Variants in TMEM117 observed in about 807,000 individuals in gnomAD.
The protein encoded by TMEM117 is transmembrane protein 117.
Under a neutral mutation model 52.4 loss-of-function variants are expected in TMEM117, and 27 were observed. The ratio of observed to expected loss-of-function variants is 0.51; its 90% CI spans 0.38 to 0.71. The LOEUF (loss-of-function observed/expected upper bound fraction) is 0.71, where lower values mean the gene tolerates loss of function less well. Ranked by LOEUF, TMEM117 falls within the 30% of genes least tolerant of loss-of-function variation. The pLI, the probability that TMEM117 is intolerant of heterozygous loss-of-function variation, is 0.00. For missense variants in TMEM117, 556 were observed against 630.5 expected (o/e 0.88, Z 1.26); for synonymous variants, 215 against 206.3 (o/e 1.04, Z -0.36).
At chr12:44,120,353 T>C (rs1176328114) in intron 3 of TMEM117, among the ~76,000 whole-genome samples, 1 of 152,178 alleles carries the variant, frequency 6.6e-6, no homozygotes, top group African/African-American at 2.4e-5. Context: ...TGTCTACCTA[T>C]TTTTTCCTGC....
At chr12:43,863,050 T>G (rs1943517586) in intron 2 of TMEM117, among the ~76,000 whole-genome samples, 1 of 151,944 alleles carries the variant, frequency 6.6e-6, no homozygotes, top group African/African-American at 2.4e-5. Context: ...ATTCTAGCAT[T>G]TCAGGAGGCC....
chr12:43,939,686 G>T (rs767761766), intron 2 of TMEM117, among the ~76,000 whole-genome samples: 8 of 152,160 alleles, frequency 5.3e-5, no homozygotes, highest in Non-Finnish European at 1.0e-4. Context: ...AATAGAGGTG[G>T]GTGGCTGCCC....
Position 43,888,841 on chromosome 12 carries a change from C to A in TMEM117, c.277+43913C>A, listed in dbSNP as rs1944049046. On this transcript the variant is annotated intron_variant, in intron 2 of 7. Coordinates refer to ENST00000266534, the MANE Select transcript of TMEM117 (RefSeq NM_032256.3). ...GGGATTACAGGTGTGAGCCACCATG[C>A]CTTGCCACATTAGTTAATTATTACA... Among the ~76,000 whole-genome samples, 4 of 152,094 alleles carry A rather than the reference C, an allele frequency of 2.6e-5. No individual in the cohort carries two copies. The South Asian group carries it at 6.2e-4, about 24-fold the overall frequency.
chr12:44,226,499 A>ATGTGTGTGTGTGTGTGTGTGTG (rs1161429257), intron 5 of TMEM117, among the ~76,000 whole-genome samples: 3 of 132,950 alleles, frequency 2.3e-5, no homozygotes, highest in East Asian at 3.9e-4. Context: ...ATAAATATAT[A>ATGTGTGTGTGTGTGTGTGTGTG]TATGTGTGTG....
intron 6 of TMEM117, among the ~76,000 whole-genome samples, chr12:44,362,859 G>A (rs534053573): frequency 2.8e-4 from 41 of 147,164 alleles, no homozygotes; most frequent in Non-Finnish European, 3.4e-4. Context: ...TTTTTGGTTG[G>A]TTGCTTGTTT....
intron 3 of TMEM117, among the ~76,000 whole-genome samples, chr12:44,108,475 G>C (rs1239884665): frequency 3.3e-5 from 3 of 90,098 alleles, no homozygotes; most frequent in African/African-American, 1.1e-4. Flanking sequence ...TTGTTCTTGC[G>C]ATAGTTTACT....
intron 6 of TMEM117, among the ~76,000 whole-genome samples, chr12:44,334,504 A>T (rs546114528): frequency 6.6e-6 from 1 of 152,098 alleles, no homozygotes; most frequent in African/African-American, 2.4e-5. Context: ...GTCTTTTTTA[A>T]TCACCTTGGA....
rs548496789 is a variant in TMEM117 at position 43,887,478 on chromosome 12, CT to C, written c.277+42554del. ...ACAACTATTGTGGCATATATAGGGG[CT>C]TTTACAAGAAACTAAACTAAGGATG... On this transcript the variant is annotated intron_variant, in intron 2 of 7. Coordinates refer to ENST00000266534, the MANE Select transcript of TMEM117 (RefSeq NM_032256.3). Among the ~76,000 whole-genome samples the C allele has an allele frequency of 1.9e-3, 282 of 152,226 alleles. 3 individuals carry two copies. The highest frequency in any genetic ancestry group is 6.4e-3 in the African/African-American group (266 of 41,530).
intron 4 of TMEM117, among the ~76,000 whole-genome samples, chr12:44,147,953 AAG>A (rs1391881995): frequency 2.0e-5 from 3 of 152,026 alleles, no homozygotes; most frequent in African/African-American, 7.2e-5. Context: ...AAAAAAGAAA[AAG>A]AAAAAGACAA....
chr12:44,384,086 T>C (rs559689078), intron 7 of TMEM117, among the ~76,000 whole-genome samples: 18 of 152,224 alleles, frequency 1.2e-4, no homozygotes, highest in African/African-American at 3.9e-4. Flanking sequence ...CACCTTCTGC[T>C]TTGCCACATC....
At chr12:44,275,620 A>C (rs765740075) in intron 5 of TMEM117, among the ~76,000 whole-genome samples, 2 of 152,192 alleles carry the variant, frequency 1.3e-5, no homozygotes, top group Non-Finnish European at 2.9e-5. Flanking sequence ...CAGCCATTAA[A>C]AAGAATGAGA....
At chr12:43,875,170 A>G (rs993431908) in intron 2 of TMEM117, among the ~76,000 whole-genome samples, 2 of 152,136 alleles carry the variant, frequency 1.3e-5, no homozygotes, top group Non-Finnish European at 2.9e-5. Flanking sequence ...TCTTTACAGC[A>G]GTAAGATTTG....
At chr12:43,968,419 A>G (rs1945520750) in intron 3 of TMEM117, among the ~76,000 whole-genome samples, 2 of 152,214 alleles carry the variant, frequency 1.3e-5, no homozygotes, top group Non-Finnish European at 2.9e-5. Flanking sequence ...TTTCAACAAT[A>G]TCAAGTGTCA....
the TMEM117 span, among the ~76,000 whole-genome samples, chr12:43,821,532 T>C: frequency 6.6e-6 from 1 of 152,180 alleles, no homozygotes; most frequent in Non-Finnish European, 1.5e-5. Flanking sequence ...CCTCCCACCT[T>C]AGCCTCCCAA....
the TMEM117 span, among the ~76,000 whole-genome samples, chr12:43,826,929 C>G: frequency 6.6e-6 from 1 of 151,980 alleles, no homozygotes; most frequent in African/African-American, 2.4e-5. Context: ...ATGCGTTAGT[C>G]TATGGTTGGT....
At chr12:43,989,399 T>A (rs1196011982) in intron 3 of TMEM117, among the ~76,000 whole-genome samples, 3 of 152,140 alleles carry the variant, frequency 2.0e-5, no homozygotes, top group Non-Finnish European at 2.9e-5. Context: ...TGAAATTTAG[T>A]TTTGGTTTCA....
chr12:44,007,035 A>G (rs1946208886), intron 3 of TMEM117, among the ~76,000 whole-genome samples: 1 of 152,182 alleles, frequency 6.6e-6, no homozygotes, highest in South Asian at 2.1e-4. Context: ...CAAGTAATAC[A>G]AGTCCCCTTT....
intron 2 of TMEM117, among the ~76,000 whole-genome samples, chr12:43,909,537 C>T (rs1156936849): frequency 1.4e-5 from 2 of 144,640 alleles, no homozygotes; most frequent in Non-Finnish European, 3.1e-5. Context: ...AAAAACCCTT[C>T]AAAAAATTAA....
upstream of TMEM117, among the ~76,000 whole-genome samples, chr12:43,832,101 G>A (rs1942986216): frequency 6.6e-6 from 1 of 152,138 alleles, no homozygotes; most frequent in Non-Finnish European, 1.5e-5. Context: ...AGGAAAGAGT[G>A]GGAGATTTAT....
Sources: gnomAD v4.1 joint callset for allele counts (sites outside exome capture counted in the v4.1 genomes callset) on GRCh38, gnomAD v4.1.1 for gene constraint, MANE v1.5 for transcripts, NCBI Gene and HGNC (gene_info 2026-07-23, HGNC 2026-07-21) for gene names.